Variants in STAB2 observed in about 807,000 individuals in gnomAD.
STAB2 encodes stabilin-2.
Under a neutral mutation model 338.1 loss-of-function variants are expected in STAB2, and 288 were observed. That is an observed-to-expected ratio of 0.85 (90% CI 0.77 to 0.94). The LOEUF (loss-of-function observed/expected upper bound fraction) is 0.94, where lower values mean the gene tolerates loss of function less well. Ranked by LOEUF, STAB2 falls within the 40% of genes least tolerant of loss-of-function variation. The pLI is 0.00. For missense variants in STAB2, 3,141 were observed against 3,210.1 expected (o/e 0.98, Z 0.52); for synonymous variants, 1,202 against 1,193.3 (o/e 1.01, Z -0.15).
rs758665722 is a variant in STAB2, at chr12:103,708,484, A to T, written c.4236A>T (p.Gly1412=). Residue 1412 remains glycine (G), a synonymous_variant, in exon 39 of 69, where the codon GGA becomes GGT. Transcript: ENST00000388887. ...VHGRCNQGPL[G]DGSCDCDVGW... ...GGAGATGCAACCAAGGACCCTTGGG[A>T]GATGGCTCCTGTGACTGTGATGTTG... is the stretch of plus-strand genomic sequence containing the variant. 3 of 1,614,022 alleles carry T rather than the reference A, an allele frequency of 1.9e-6. No individual in the cohort carries two copies. The African/African-American group carries it at 4.0e-5, about 22-fold the overall frequency.
chr12:103,634,628 T>G, intron 6 of STAB2, among the ~76,000 whole-genome samples: 1 of 152,270 alleles, frequency 6.6e-6, no homozygotes, highest in East Asian at 1.9e-4. Flanking sequence ...CGGTGTTTCT[T>G]TTGATGTCGG....
chr12:103,591,946 A>AT (rs562524630), intron 2 of STAB2, among the ~76,000 whole-genome samples: 1,841 of 148,786 alleles, frequency 0.012, 31 homozygotes, highest in African/African-American at 0.041. Flanking sequence ...GGATGGAAGG[A>AT]TTTTTTTTTT....
chr12:103,758,505 T>G (rs3763993), intron 64 of STAB2, among the ~76,000 whole-genome samples: 41,236 of 152,132 alleles, frequency 0.27, 6,258 homozygotes, highest in East Asian at 0.59. Flanking sequence ...CTCTGCTCCA[T>G]GGAACTCTCA....
intron 44 of STAB2, among the ~76,000 whole-genome samples, chr12:103,718,483 A>G (rs930071384): frequency 2.7e-5 from 4 of 150,272 alleles, no homozygotes; most frequent in Non-Finnish European, 5.9e-5. Flanking sequence ...CCATGCACAC[A>G]TCATTAGTTC....
At chr12:103,740,862 TGC>T in intron 55 of STAB2, 106 bp downstream of exon 55, 2 of 1,406,212 alleles carry the variant, frequency 1.4e-6, no homozygotes, top group Non-Finnish European at 1.9e-6. Context: ...GGGGAAACAC[TGC>T]TAATAATGAT....
chr12:103,596,175 G>T (rs1213583359), intron 3 of STAB2, among the ~76,000 whole-genome samples: 1 of 152,158 alleles, frequency 6.6e-6, no homozygotes, highest in Non-Finnish European at 1.5e-5. Context: ...GCCAAATGTG[G>T]TCATGATCAT....
At chr12:103,645,540 A>T (rs1366433629) in intron 9 of STAB2, among the ~76,000 whole-genome samples, 1 of 152,224 alleles carries the variant, frequency 6.6e-6, no homozygotes, top group Non-Finnish European at 1.5e-5. Flanking sequence ...TCTTCAAATG[A>T]AGGAATGTAA....
chr12:103,648,849 C>T, intron 10 of STAB2, 26 bp downstream of exon 10: 2 of 1,607,790 alleles, frequency 1.2e-6, no homozygotes, highest in Non-Finnish European at 1.7e-6. Context: ...TACAGATTTC[C>T]ACACAAAAGT....
chr12:103,637,380 C>A, intron 7 of STAB2, 144 bp downstream of exon 7: 3 of 1,076,870 alleles, frequency 2.8e-6, no homozygotes, highest in Non-Finnish European at 3.8e-6. Context: ...TAAAAGGTGC[C>A]AAGCAAAATG....
At chr12:103,682,608 G>T (rs955993669) in intron 25 of STAB2, among the ~76,000 whole-genome samples, 4 of 148,440 alleles carry the variant, frequency 2.7e-5, no homozygotes, top group Admixed American at 6.7e-5. Flanking sequence ...GCTTTTTAGG[G>T]CCCAAGTTCT....
At chr12:103,617,687 G>T (rs186426353) in intron 3 of STAB2, among the ~76,000 whole-genome samples, 184 of 152,252 alleles carry the variant, frequency 1.2e-3, no homozygotes, top group African/African-American at 4.1e-3. Context: ...CTTGCTTTTC[G>T]AATACTTATG....
At chr12:103,615,818 A>G (rs946504664) in intron 3 of STAB2, among the ~76,000 whole-genome samples, 1 of 152,166 alleles carries the variant, frequency 6.6e-6, no homozygotes, top group African/African-American at 2.4e-5. Flanking sequence ...AATGCCAGAC[A>G]CTTATAAAGC....
intron 55 of STAB2, among the ~76,000 whole-genome samples, chr12:103,742,112 A>G (rs1882631751): frequency 6.6e-6 from 1 of 152,218 alleles, no homozygotes; most frequent in African/African-American, 2.4e-5. Context: ...TAGATCTAAG[A>G]AAACAAAAGC....
chr12:103,630,618 G>C (rs1957445129), intron 5 of STAB2, among the ~76,000 whole-genome samples: 1 of 152,208 alleles, frequency 6.6e-6, no homozygotes, highest in Non-Finnish European at 1.5e-5. Context: ...GTAATCACAA[G>C]AGTTGTTATA....
intron 5 of STAB2, among the ~76,000 whole-genome samples, chr12:103,625,857 C>A (rs565082788): frequency 1.5e-3 from 233 of 152,270 alleles, no homozygotes; most frequent in Admixed American, 3.0e-3. Context: ...GATTTATAAT[C>A]CTCTGGGTAT....
intron 25 of STAB2, among the ~76,000 whole-genome samples, chr12:103,680,337 A>C (rs1268996882): frequency 1.3e-5 from 2 of 152,242 alleles, no homozygotes; most frequent in Non-Finnish European, 2.9e-5. Flanking sequence ...AACTGGTTTA[A>C]AAAGAAAAGA....
At position 103,667,005 on chromosome 12, in the gene STAB2, A is replaced by T. The variant is rs183656875; in HGVS notation, c.2085+652A>T. On this transcript the variant is annotated intron_variant, in intron 19 of 68. Transcript: ENST00000388887. ...ATGATCTATCATTCATATGCCAAGGACTCTATTGGTGGTAAAAAGCAAAGT... is the reference window on the plus strand; with the variant it reads ...ATGATCTATCATTCATATGCCAAGGTCTCTATTGGTGGTAAAAAGCAAAGT... 1.2e-3 allele frequency among the ~76,000 whole-genome samples: 190 copies of T among 152,282 alleles called. 4 individuals carry two copies. The highest frequency in any genetic ancestry group is 1.9e-4 in the Non-Finnish European group (13 of 68,020).
At chr12:103,645,157 A>G (rs1433045239) in intron 9 of STAB2, among the ~76,000 whole-genome samples, 2 of 152,232 alleles carry the variant, frequency 1.3e-5, no homozygotes, top group Non-Finnish European at 2.9e-5. Flanking sequence ...GTAAAATGCA[A>G]ATGGCTTCTG....
At chr12:103,652,009 C>T (rs964598706) in intron 11 of STAB2, among the ~76,000 whole-genome samples, 1 of 152,228 alleles carries the variant, frequency 6.6e-6, no homozygotes, top group Admixed American at 6.5e-5. Context: ...TGCACGTGGT[C>T]TCTCATTTAA....
Sources: allele counts gnomAD v4.1 joint callset (sites outside exome capture counted in the v4.1 genomes callset), GRCh38; gene constraint gnomAD v4.1.1; transcripts MANE v1.5; gene names NCBI Gene and HGNC (gene_info 2026-07-23, HGNC 2026-07-21).